Variants in KAZN observed in about 807,000 individuals in gnomAD.
KAZN encodes the protein kazrin.
Under a neutral mutation model 87.4 loss-of-function variants are expected in KAZN, and 40 were observed. The ratio of observed to expected loss-of-function variants is 0.46; its 90% CI spans 0.36 to 0.60. The LOEUF (loss-of-function observed/expected upper bound fraction) is 0.60, where lower values mean the gene tolerates loss of function less well. Ranked by LOEUF, KAZN falls within the 20% of genes least tolerant of loss-of-function variation. The probability of loss-of-function intolerance (pLI) is 0.00; values close to 1 mark genes in which losing one functional copy is unlikely to be tolerated. For synonymous variants in KAZN, 466 were observed against 458.3 expected (o/e 1.02, Z -0.22); for missense variants, 898 against 1,073.9 (o/e 0.84, Z 2.29).
At chr1:14,147,004 A>G (rs1033417610) in intron 1 of KAZN, among the ~76,000 whole-genome samples, 1 of 152,180 alleles carries the variant, frequency 6.6e-6, no homozygotes, top group African/African-American at 2.4e-5. Context: ...GAAGACAGCA[A>G]GGATAAAGAC....
At chr1:14,459,701 A>C (rs1667757970) in intron 2 of KAZN, among the ~76,000 whole-genome samples, 1 of 152,278 alleles carries the variant, frequency 6.6e-6, no homozygotes, top group Admixed American at 6.5e-5. Context: ...TGCCTAGAGC[A>C]ATGGAAGAAC....
At chr1:15,001,426 A>G (rs1221468796) in intron 2 of KAZN, among the ~76,000 whole-genome samples, 2 of 151,682 alleles carry the variant, frequency 1.3e-5, no homozygotes, top group Non-Finnish European at 2.9e-5. Context: ...AGATTGCACC[A>G]CTACACTTCA....
intron 1 of KAZN, among the ~76,000 whole-genome samples, chr1:14,938,970 T>G (rs1572875667): frequency 1.3e-5 from 2 of 152,074 alleles, no homozygotes. Context: ...CATTTTTTGT[T>G]TGATTTTGTT....
chr1:14,502,821 A>G (rs970191423), intron 2 of KAZN, among the ~76,000 whole-genome samples: 19 of 152,270 alleles, frequency 1.2e-4, no homozygotes, highest in African/African-American at 3.4e-4. Context: ...TACAAGCATC[A>G]TCTCATTCCA....
chr1:14,195,062 C>T (rs543485304), intron 2 of KAZN, among the ~76,000 whole-genome samples: 7 of 152,078 alleles, frequency 4.6e-5, no homozygotes, highest in Non-Finnish European at 8.8e-5. Flanking sequence ...ATCAACCCTT[C>T]GAGGAAAGAC....
intron 2 of KAZN, among the ~76,000 whole-genome samples, chr1:14,441,653 AT>A (rs1394333027): frequency 6.6e-6 from 1 of 152,192 alleles, no homozygotes; most frequent in Non-Finnish European, 1.5e-5. Context: ...GAGGATTAAA[AT>A]TTTTTGGTGC....
chr1:14,436,537 G>A (rs1666392949), intron 2 of KAZN, among the ~76,000 whole-genome samples: 1 of 151,694 alleles, frequency 6.6e-6, no homozygotes, highest in Admixed American at 6.6e-5. Flanking sequence ...GGACAACATG[G>A]TGAAACCCCG....
At chr1:14,609,387 A>T (rs926413440) in intron 1 of KAZN, among the ~76,000 whole-genome samples, 4 of 152,222 alleles carry the variant, frequency 2.6e-5, no homozygotes, top group Non-Finnish European at 5.9e-5. Context: ...GTAGAGAAGG[A>T]TCATGATCTC....
At chr1:13,900,244 C>T (rs751704236) in intron 1 of KAZN, among the ~76,000 whole-genome samples, 1 of 152,140 alleles carries the variant, frequency 6.6e-6, no homozygotes. Context: ...ACTCTGAACT[C>T]CAGGCCTTAA....
chr1:14,794,387 C>A (rs1572498836), intron 1 of KAZN, among the ~76,000 whole-genome samples: 1 of 152,200 alleles, frequency 6.6e-6, no homozygotes, highest in African/African-American at 2.4e-5. Flanking sequence ...TGTCAACAGG[C>A]AACAGATCTC....
At chr1:15,003,006 A>G (rs919113949) in intron 2 of KAZN, among the ~76,000 whole-genome samples, 15 of 32,918 alleles carry the variant, frequency 4.6e-4, no homozygotes, top group Admixed American at 9.8e-4. Context: ...AAATAAACGT[A>G]CACACACACA....
At chr1:14,674,226 T>A (rs1366949412) in intron 1 of KAZN, among the ~76,000 whole-genome samples, 2 of 152,308 alleles carry the variant, frequency 1.3e-5, no homozygotes, top group African/African-American at 4.8e-5. Context: ...GTATCTAAAT[T>A]AGGTGGCATT....
intron 1 of KAZN, among the ~76,000 whole-genome samples, chr1:14,622,689 CAAA>C (rs3087165): frequency 9.7e-5 from 11 of 113,446 alleles, no homozygotes; most frequent in Non-Finnish European, 1.8e-4. Flanking sequence ...GACTCCATCT[CAAA>C]AAAAAAAAAA....
chr1:15,063,856 TTCCGCTGAGCCCACATCCATGCC>T (rs1304422194), intron 7 of KAZN, among the ~76,000 whole-genome samples: 9,556 of 151,594 alleles, frequency 0.063, 1,085 homozygotes, highest in African/African-American at 0.22. Flanking sequence ...TTTATGCCAC[TTCCGCTGAGCCCACATCCATGCC>T]GCACACCCAA....
At chr1:14,230,706 ACT>A (rs1419049907) in intron 2 of KAZN, among the ~76,000 whole-genome samples, 1 of 151,936 alleles carries the variant, frequency 6.6e-6, no homozygotes, top group African/African-American at 2.4e-5. Context: ...ATGGAAGGTG[ACT>A]CTATGACACT....
rs1282419244 is a variant in KAZN, at chr1:15,021,792, C to G, written c.419-12957C>G. 6.6e-6 allele frequency among the ~76,000 whole-genome samples: 1 copy of G among 152,198 alleles called. No homozygotes were observed. The highest frequency in any genetic ancestry group is 1.5e-5 in the Non-Finnish European group (1 of 68,022). On this transcript the variant is annotated intron_variant, in intron 2 of 14. Coordinates refer to ENST00000376030, the MANE Select transcript of KAZN (RefSeq NM_201628.3). This position sits in a 1 kb window ranked among gnomAD's most constrained non-coding sequence, Gnocchi z 4.2. ...CCGGCCTAGCTGTTTCCAGCCCTTTCTCATTGGAAGCCCTGGCTCCTGGCA... is the reference window on the plus strand; with the variant it reads ...CCGGCCTAGCTGTTTCCAGCCCTTTGTCATTGGAAGCCCTGGCTCCTGGCA...
intron 1 of KAZN, among the ~76,000 whole-genome samples, chr1:14,081,278 C>A (rs1392088453): frequency 6.6e-6 from 1 of 152,016 alleles, no homozygotes; most frequent in Non-Finnish European, 1.5e-5. Context: ...CACTTGGGGC[C>A]CCGTTGTTGA....
rs77342506 is a variant in KAZN, at chr1:14,922,269, C to G, written c.227-38415C>G. ...CCCAGGCAGGTCCCTGAAGGTAACT[C>G]AGACAGTCCTGGACCAGATTCTCCA... is the stretch of plus-strand genomic sequence containing the variant. On this transcript the variant is annotated intron_variant, in intron 1 of 14. Transcript: ENST00000376030. 1.2e-4 allele frequency among the ~76,000 whole-genome samples: 18 copies of G among 152,312 alleles called. No individual in the cohort carries two copies. In the East Asian group the frequency reaches 3.5e-3, roughly 29 times the overall value.
chr1:13,960,366 G>A (rs774225324), intron 1 of KAZN, among the ~76,000 whole-genome samples: 14 of 152,162 alleles, frequency 9.2e-5, no homozygotes, highest in Non-Finnish European at 1.9e-4. Flanking sequence ...CCCAACTTTA[G>A]AGCCGATCGT....
Sources: gnomAD v4.1 joint callset for allele counts (sites outside exome capture counted in the v4.1 genomes callset) on GRCh38, gnomAD v4.1.1 for gene constraint, Gnocchi (gnomAD v3.1) non-coding constraint, MANE v1.5 for transcripts, NCBI Gene and HGNC (gene_info 2026-07-23, HGNC 2026-07-21) for gene names.